The following PSME4 variants were observed in gnomAD, a reference collection of about 807,000 sequenced individuals.
PSME4 encodes proteasome activator complex subunit 4.
A neutral mutation model predicts 253.9 loss-of-function variants in PSME4; 89 were observed. The ratio of observed to expected loss-of-function variants is 0.35; its 90% CI spans 0.30 to 0.42. The LOEUF is 0.42. Among genes scored for constraint, PSME4 ranks in the 10% least tolerant of loss-of-function variants. PSME4 has a pLI of 1.00. For missense variants in PSME4, 2,014 were observed against 2,195.2 expected (o/e 0.92, Z 1.65); for synonymous variants, 851 against 759.2 (o/e 1.12, Z -1.99).
intron 10 of PSME4, among the ~76,000 whole-genome samples, chr2:53,929,843 C>T (rs1010796418): frequency 2.6e-5 from 4 of 151,794 alleles, no homozygotes; most frequent in Admixed American, 6.6e-5. Flanking sequence ...CATGGTGAAA[C>T]GCCATCTCTA....
intron 33 of PSME4, 80 bp from the exon 34 acceptor site, chr2:53,895,156 C>A: frequency 7.9e-7 from 1 of 1,258,592 alleles, no homozygotes; most frequent in Non-Finnish European, 1.1e-6. Context: ...TTAGAAGGCA[C>A]TTTTAATGAA....
chr2:53,952,413 G>A (rs6761648), intron 1 of PSME4, among the ~76,000 whole-genome samples: 20,018 of 151,998 alleles, frequency 0.13, 2,340 homozygotes, highest in African/African-American at 0.32. Context: ...ATGGTGGTGC[G>A]CGCCTCTAAT....
At chr2:53,888,619 C>T (rs1340289124) in intron 38 of PSME4, 102 bp downstream of exon 38, 5 of 731,618 alleles carry the variant, frequency 6.8e-6, no homozygotes, top group Non-Finnish European at 8.9e-6. Flanking sequence ...AAAGTAATTA[C>T]TTCATCTAGA....
intron 1 of PSME4, among the ~76,000 whole-genome samples, chr2:53,955,843 G>A (rs946377275): frequency 6.6e-6 from 1 of 152,114 alleles, no homozygotes; most frequent in South Asian, 2.1e-4. Context: ...GATTGGTGGG[G>A]CCTGGGAAGC....
At chr2:53,872,697 G>T (rs1678933367) in intron 43 of PSME4, among the ~76,000 whole-genome samples, 1 of 121,574 alleles carries the variant, frequency 8.2e-6, no homozygotes, top group South Asian at 2.8e-4. Context: ...AGCCATAATT[G>T]TGCCACTGCA....
intron 3 of PSME4, among the ~76,000 whole-genome samples, chr2:53,941,822 T>C (rs904177717): frequency 2.6e-5 from 4 of 152,130 alleles, no homozygotes; most frequent in East Asian, 1.9e-4. Context: ...TAATATTACA[T>C]TTATTTTATT....
rs1309410798 is a variant in PSME4, at chr2:53,920,881, A to G, written c.2262+8T>C. 4.4e-6 allele frequency: 7 copies of G among 1,576,234 alleles called. No homozygotes were observed. In the Admixed American group the frequency reaches 1.2e-4, roughly 26 times the overall value. ...ATTCTTGAATCCTAAAGTACTGAAA[A>G]TGCTTGCCTTGATAGGAAAGTATTC... On this transcript the variant is annotated splice_region_variant and intron_variant, in intron 18 of 46. Coordinates refer to ENST00000404125, the MANE Select transcript of PSME4 (RefSeq NM_014614.3).
intron 41 of PSME4, 125 bp from the exon 42 acceptor site, chr2:53,875,880 C>G: frequency 1.2e-6 from 1 of 828,700 alleles, no homozygotes; most frequent in Non-Finnish European, 1.8e-6. Flanking sequence ...AACACATAAA[C>G]TAGAGAATAG....
Position 53,936,736 on chromosome 2 carries a change from G to A in PSME4, c.759+28C>T, listed in dbSNP as rs758095483. 4.0e-6 allele frequency: 6 copies of A among 1,482,498 alleles called. No individual in the cohort carries two copies. The East Asian group carries it at 9.8e-5, about 24-fold the overall frequency. The allele number at this position is 1,482,498 out of a possible 1,614,324, so 91.8% of individuals were successfully genotyped here. A position where few individuals can be genotyped will look rare whatever the true frequency, so the allele number is the denominator to read the frequency against. On this transcript the variant is annotated intron_variant, in intron 6 of 46. Transcript: ENST00000404125. ...AAAAAAGAAAAAAAAAACTATAGGG[G>A]GGAAGAAAGGGAAAAAGGGATACTT...
In PSME4 at chr2:53,949,219, A is replaced by T; in HGVS notation, c.307T>A (p.Tyr103Asn). Residue 103 changes from tyrosine to asparagine, a missense_variant, in exon 2 of 47, where the codon TAT becomes AAT. Tyr to Asn is a moderately radical substitution (Grantham distance 143). This residue lies in a region of PSME4 where 615 missense variants were observed against 594.4 expected (regional missense o/e 1.03). Transcript: ENST00000404125. ...EDHVLFIKLL[Y>N]ELVSIPKLEI... ...AGTTTTGGAATTGATACCAGCTCAT[A>T]CAATAACTTAATAAAAAGAACATGA... 6.2e-7 allele frequency: 1 copy of T among 1,611,758 alleles called. No homozygotes were observed. Among genetic ancestry groups the T allele is most frequent in the Non-Finnish European group, 8.5e-7 (1 of 1,178,846 alleles).
chr2:53,940,856 TATATATAATATATATTTAA>T, intron 3 of PSME4, among the ~76,000 whole-genome samples: 1 of 143,570 alleles, frequency 7.0e-6, no homozygotes, highest in Non-Finnish European at 1.5e-5. Context: ...AAAATTTATA[TATATATAATATATATTTAA>T]ATATATATAA....
chr2:53,921,157 C>A, intron 17 of PSME4, 53 bp from the exon 18 acceptor site: 1 of 1,604,734 alleles, frequency 6.2e-7, no homozygotes, highest in South Asian at 1.1e-5. Context: ...GAACAAGAAC[C>A]AATCATTAAT....
In PSME4 at chr2:53,923,450, T is replaced by C. The variant is rs776508206; in HGVS notation, c.1810-31A>G. ...AAGATATGAAAATGTTTAATGAGCA[T>C]TTTTTAAGAAAATTAAACATCTTAC... On this transcript the variant is annotated intron_variant, in intron 14 of 46. Coordinates refer to ENST00000404125, the MANE Select transcript of PSME4 (RefSeq NM_014614.3). 7 of 1,543,414 alleles carry C rather than the reference T, an allele frequency of 4.5e-6. No homozygotes were observed. The South Asian group carries it at 6.3e-5, about 14-fold the overall frequency.
At position 53,874,370 on chromosome 2, in the gene PSME4, ACCAGCC is replaced by A; in HGVS notation, c.5063_5068del (p.Trp1688_Val1690delinsPhe). The A allele has an allele frequency of 6.2e-7, 1 of 1,613,650 alleles. No individual in the cohort carries two copies. On this transcript the variant is annotated inframe_deletion, in exon 43 of 47. Transcript: ENST00000404125. Reference sequence around the variant, plus strand: ...TTGTTCGTCCTCCAAAAGACTTATAACCAGCCACCTGATATCTTTAACTGCATCTTC... The same window carrying A: ...TTGTTCGTCCTCCAAAAGACTTATAAACCTGATATCTTTAACTGCATCTTC...
chr2:53,874,629 A>C, intron 42 of PSME4, 135 bp from the exon 43 acceptor site: 71 of 898,480 alleles, frequency 7.9e-5, no homozygotes, highest in Non-Finnish European at 1.0e-4. Context: ...GGACAAGCTC[A>C]TATTTCGTTA....
intron 42 of PSME4, 89 bp from the exon 43 acceptor site, chr2:53,874,583 T>C (rs1341353806): frequency 7.3e-6 from 9 of 1,241,278 alleles, no homozygotes; most frequent in Non-Finnish European, 1.0e-5. Context: ...AACAATGTAA[T>C]ATTCTAATTT....
intron 3 of PSME4, among the ~76,000 whole-genome samples, chr2:53,947,068 A>G (rs1669745915): frequency 6.6e-6 from 1 of 152,240 alleles, no homozygotes. Flanking sequence ...TTAACACATG[A>G]AACTTTCAAG....
Position 53,926,856 on chromosome 2 carries a change from C to A in PSME4, c.1593+538G>T, listed in dbSNP as rs542110371. Among the ~76,000 whole-genome samples the A allele has an allele frequency of 1.3e-5, 2 of 151,916 alleles. 1 individual carries two copies. Among genetic ancestry groups the A allele is most frequent in the African/African-American group, 4.8e-5 (2 of 41,432 alleles). ...AGGCATGGTGGTGCATGCCTGTAGT[C>A]CCAGCTACTCGGGAGGCTGAGGCAG... On this transcript the variant is annotated intron_variant, in intron 12 of 46. Transcript: ENST00000404125.
chr2:53,921,683 A>T lies in PSME4; in HGVS notation c.2047-579T>A, dbSNP rs1375999687. ...GGAGATCGAGACCATCCCGGCTAAA[A>T]CGGTGAAACCCCGTCTCTACTAAAA... On this transcript the variant is annotated intron_variant, in intron 17 of 46. Coordinates refer to ENST00000404125, the MANE Select transcript of PSME4 (RefSeq NM_014614.3). 1.8e-3 allele frequency among the ~76,000 whole-genome samples: 250 copies of T among 136,600 alleles called. 6 individuals carry two copies. In the East Asian group the frequency reaches 0.047, roughly 26 times the overall value. 89.6% of individuals were successfully genotyped at this position (136,600 alleles called of 152,430 possible). A position where few individuals can be genotyped will look rare whatever the true frequency, so the allele number is the denominator to read the frequency against.
Sources: allele counts gnomAD v4.1 joint callset (sites outside exome capture counted in the v4.1 genomes callset), GRCh38; gene constraint gnomAD v4.1.1; regional missense constraint gnomAD v4.1.1; transcripts MANE v1.5; gene names NCBI Gene and HGNC (gene_info 2026-07-23, HGNC 2026-07-21).